XPO4: variants seen among roughly 807,000 people sequenced by gnomAD.
XPO4 encodes the protein exportin-4.
Under a neutral mutation model 143.0 loss-of-function variants are expected in XPO4, and 39 were observed. The ratio of observed to expected loss-of-function variants is 0.27; its 90% CI spans 0.21 to 0.36. XPO4 has a LOEUF of 0.36. XPO4 is among the 10% of genes least tolerant of loss of function. The pLI is 1.00. For synonymous variants in XPO4, 439 were observed against 474.0 expected, an observed-to-expected ratio of 0.93 and a Z score of 0.96; for missense variants, 907 against 1,348.0, an observed-to-expected ratio of 0.67 and a Z score of 5.12.
chr13:20,826,943 A>G, intron 7 of XPO4, 124 bp downstream of exon 7: 1 of 648,230 alleles, frequency 1.5e-6, no homozygotes, highest in East Asian at 2.7e-5. Flanking sequence ...TTAAGCAGCC[A>G]TACTGATGAG....
intron 1 of XPO4, among the ~76,000 whole-genome samples, chr13:20,871,337 T>G (rs1246061502): frequency 6.6e-6 from 1 of 152,132 alleles, no homozygotes; most frequent in Non-Finnish European, 1.5e-5. Flanking sequence ...TTTTGTTTTT[T>G]AAAACAGAGT....
At chr13:20,788,240 A>G (rs1030334722) in intron 20 of XPO4, among the ~76,000 whole-genome samples, 17 of 151,948 alleles carry the variant, frequency 1.1e-4, no homozygotes, top group Non-Finnish European at 2.1e-4. Flanking sequence ...TACTTTTATT[A>G]GAGACAGGGT....
At chr13:20,801,069 C>T in intron 13 of XPO4, 79 bp from the exon 14 acceptor site, 1 of 1,521,616 alleles carries the variant, frequency 6.6e-7, no homozygotes, top group Non-Finnish European at 8.8e-7. Flanking sequence ...CTTAAAAGTC[C>T]TTTTTTGTCT....
chr13:20,881,937 G>A (rs1317036497), intron 1 of XPO4, among the ~76,000 whole-genome samples: 1 of 151,380 alleles, frequency 6.6e-6, no homozygotes, highest in African/African-American at 2.4e-5. Context: ...GTGAAACCCC[G>A]TCTCTACTAA....
At position 20,783,799 on chromosome 13, in the gene XPO4, G is replaced by A. The variant is rs892103641; in HGVS notation, c.3379C>T (p.Arg1127Trp). Residue 1127 changes from arginine (R) to tryptophan (W), a missense_variant, in exon 23 of 23, where the codon CGG becomes TGG. Arg to Trp is a moderately radical substitution (Grantham distance 101). Transcript: ENST00000255305. Reference protein sequence around the residue: ...TASSTPPTLDRKQKMAFLKSL... With the variant: ...TASSTPPTLDWKQKMAFLKSL... The stretch of plus-strand genomic sequence containing the variant: ...TTTAAGAAGGCCATCTTCTGCTTCC[G>A]ATCCAGCGTAGGAGGAGTGCTGCTT... The A allele has an allele frequency of 6.8e-6, 11 of 1,614,076 alleles. No individual in the cohort carries two copies. The highest frequency in any genetic ancestry group is 4.0e-5 in the African/African-American group (3 of 74,928).
intron 4 of XPO4, chr13:20,850,869 T>C: frequency 1.0e-6 from 1 of 985,442 alleles, no homozygotes; most frequent in Non-Finnish European, 1.2e-6. Context: ...GGAAATGTCC[T>C]TCTAGAAGAG....
intron 2 of XPO4, among the ~76,000 whole-genome samples, chr13:20,867,249 AGTT>A (rs1339598770): frequency 6.6e-6 from 1 of 152,244 alleles, no homozygotes; most frequent in Non-Finnish European, 1.5e-5. Flanking sequence ...TTTAAAAGGT[AGTT>A]GTTGAACCTG....
Position 20,808,643 on chromosome 13 carries a change from C to A in XPO4, c.1494-62G>T, listed in dbSNP as rs745417035. 11 of 1,365,260 alleles carry A rather than the reference C, an allele frequency of 8.1e-6. No homozygotes were observed. In the Admixed American group the frequency reaches 1.9e-4, roughly 23 times the overall value. The allele number at this position is 1,365,260 out of a possible 1,614,324, so 84.6% of individuals were successfully genotyped here. A position where few individuals can be genotyped will look rare whatever the true frequency, so the allele number is the denominator to read the frequency against. ...ATAAGCAAAGACATGGAACAACTTA[C>A]AACTTCCATATATTAGACAACATGA... On this transcript the variant is annotated intron_variant, in intron 11 of 22. Coordinates refer to ENST00000255305, the MANE Select transcript of XPO4 (RefSeq NM_022459.5).
rs1157388706 is a variant in XPO4, at chr13:20,822,142, T to C, written c.988A>G (p.Thr330Ala). 1 of 1,612,186 alleles carries C rather than the reference T, an allele frequency of 6.2e-7. No individual in the cohort carries two copies. Among genetic ancestry groups the C allele is most frequent in the African/African-American group, 1.3e-5 (1 of 74,886 alleles). The change falls in exon 8 of 23, where the codon ACT becomes GCT. Residue 330 changes from threonine (T) to alanine (A), a missense_variant. Coordinates refer to ENST00000255305, the MANE Select transcript of XPO4 (RefSeq NM_022459.5). ...GGCAAGTATACCTACCCATTGATAG[T>C]ATTCAGTAATCCCTCAATGAAGTGT... ...LAHFIEGLLN[T>A]INGIEIEDSE...
rs1192608762 is a variant in XPO4, at chr13:20,833,164, G to A, written c.728-5985C>T. ...TAGTGAACAAACATCCGAAAACTGA[G>A]CTAATACTTCTGAACGGGCTTCTTT... On this transcript the variant is annotated intron_variant, in intron 6 of 22. Transcript: ENST00000255305. Among the ~76,000 whole-genome samples the A allele has an allele frequency of 2.0e-5, 3 of 152,016 alleles. No homozygotes were observed. In the East Asian group the frequency reaches 5.8e-4, roughly 29 times the overall value.
chr13:20,850,919 G>C, intron 4 of XPO4: 1 of 985,370 alleles, frequency 1.0e-6, no homozygotes, highest in Non-Finnish European at 1.2e-6. Context: ...AATGGTTCAT[G>C]AAGTCAACCC....
At chr13:20,870,900 T>C (rs2060290942) in intron 1 of XPO4, among the ~76,000 whole-genome samples, 1 of 152,074 alleles carries the variant, frequency 6.6e-6, no homozygotes, top group African/African-American at 2.4e-5. Flanking sequence ...AGCCTCAACC[T>C]CCAGGGCTCA....
chr13:20,825,540 G>T (rs1301054207), intron 7 of XPO4, among the ~76,000 whole-genome samples: 1 of 152,234 alleles, frequency 6.6e-6, no homozygotes, highest in African/African-American at 2.4e-5. Context: ...TTATTTGCGT[G>T]TGGTTGTTCA....
chr13:20,862,578 T>C, intron 3 of XPO4, 139 bp downstream of exon 3: 1 of 1,061,132 alleles, frequency 9.4e-7, no homozygotes, highest in Non-Finnish European at 1.4e-6. Context: ...ATCCTCCCTC[T>C]CAGCCTCCCA....
intron 1 of XPO4, among the ~76,000 whole-genome samples, chr13:20,895,151 C>T (rs1174920415): frequency 2.0e-5 from 3 of 152,008 alleles, no homozygotes; most frequent in African/African-American, 7.3e-5. Flanking sequence ...GCACTCCAGC[C>T]TAGGCAACAG....
At chr13:20,835,624 C>T (rs528664384) in intron 6 of XPO4, among the ~76,000 whole-genome samples, 25 of 152,344 alleles carry the variant, frequency 1.6e-4, no homozygotes, top group African/African-American at 6.0e-4. Context: ...CATAAAACAA[C>T]ATTTCCTTGG....
At chr13:20,856,146 T>C (rs1053677149) in intron 3 of XPO4, among the ~76,000 whole-genome samples, 7 of 150,802 alleles carry the variant, frequency 4.6e-5, no homozygotes, top group African/African-American at 1.0e-4. Flanking sequence ...TGTTAAATAT[T>C]TGTAGGGAAA....
chr13:20,893,502 G>C (rs561817669), intron 1 of XPO4, among the ~76,000 whole-genome samples: 2 of 152,176 alleles, frequency 1.3e-5, no homozygotes, highest in Non-Finnish European at 2.9e-5. Context: ...CACTTTGGGA[G>C]GCCGAGGTGG....
intron 4 of XPO4, among the ~76,000 whole-genome samples, chr13:20,854,755 C>A (rs2060125573): frequency 6.6e-6 from 1 of 152,196 alleles, no homozygotes; most frequent in East Asian, 1.9e-4. Flanking sequence ...CAAACAGCCA[C>A]TCTCCAGGCA....
Sources: gnomAD v4.1 joint callset for allele counts (sites outside exome capture counted in the v4.1 genomes callset) on GRCh38, gnomAD v4.1.1 for gene constraint, MANE v1.5 for transcripts, NCBI Gene and HGNC (gene_info 2026-07-23, HGNC 2026-07-21) for gene names.